The following ANKFN1 variants were observed in gnomAD, a reference collection of about 807,000 sequenced individuals.
The protein encoded by ANKFN1 is ankyrin repeat and fibronectin type III domain containing 1.
ANKFN1 carries 74 observed loss-of-function variants against 108.7 expected under a neutral mutation model. The observed-to-expected ratio is 0.68, with a 90% CI of 0.56 to 0.83. ANKFN1 has a LOEUF of 0.83. Among genes scored for constraint, ANKFN1 ranks in the 40% least tolerant of loss-of-function variants. The pLI is 0.00. For synonymous variants in ANKFN1, 547 were observed against 516.2 expected, an observed-to-expected ratio of 1.06 and a Z score of -0.81; for missense variants, 1,505 against 1,382.3, an observed-to-expected ratio of 1.09 and a Z score of -1.41.
intron 20 of ANKFN1, among the ~76,000 whole-genome samples, chr17:56,508,008 C>A (rs1418077392): frequency 6.6e-6 from 1 of 152,202 alleles, no homozygotes; most frequent in Non-Finnish European, 1.5e-5. Flanking sequence ...AAGCAGAGAC[C>A]ATGTCTGTCT....
intron 1 of ANKFN1, among the ~76,000 whole-genome samples, chr17:56,205,424 ATC>A (rs1284953562): frequency 1.3e-5 from 2 of 152,212 alleles, no homozygotes; most frequent in African/African-American, 2.4e-5. Flanking sequence ...TTTACATATC[ATC>A]TGTTTGCAAT....
At chr17:56,246,322 T>C (rs1238681847) in intron 3 of ANKFN1, among the ~76,000 whole-genome samples, 3 of 152,124 alleles carry the variant, frequency 2.0e-5, no homozygotes, top group Non-Finnish European at 4.4e-5. Context: ...TTTTATCTGT[T>C]CATCTCCTAA....
intron 8 of ANKFN1, 44 bp downstream of exon 8, chr17:56,374,758 G>A (rs377583273): frequency 2.2e-5 from 32 of 1,456,072 alleles, no homozygotes; most frequent in Non-Finnish European, 3.0e-5. Context: ...TCTTAAAAAA[G>A]CATCTGCTGT....
intron 8 of ANKFN1, among the ~76,000 whole-genome samples, chr17:56,377,030 C>T (rs1487250149): frequency 6.6e-6 from 1 of 152,138 alleles, no homozygotes; most frequent in Non-Finnish European, 1.5e-5. Context: ...AAAGAAGAAA[C>T]AATTGAGAAA....
chr17:56,128,044 C>T (rs998071309), intron 4 of ANKFN1, among the ~76,000 whole-genome samples: 1 of 152,166 alleles, frequency 6.6e-6, no homozygotes, highest in African/African-American at 2.4e-5. Flanking sequence ...AGCACCAGTC[C>T]TCTCCCCTTT....
At chr17:56,461,750 C>G (rs1348579724) in intron 14 of ANKFN1, among the ~76,000 whole-genome samples, 1 of 152,154 alleles carries the variant, frequency 6.6e-6, no homozygotes, top group Non-Finnish European at 1.5e-5. Flanking sequence ...TCTTGGCTAC[C>G]ACTATATCCC....
intron 1 of ANKFN1, among the ~76,000 whole-genome samples, 159 bp from the exon 2 acceptor site, chr17:56,212,439 G>C (rs1228610293): frequency 6.6e-6 from 1 of 152,110 alleles, no homozygotes; most frequent in East Asian, 1.9e-4. Flanking sequence ...GGTTCTGTTA[G>C]CTAGGATTTT....
chr17:56,416,185 A>G (rs897636234), intron 8 of ANKFN1, among the ~76,000 whole-genome samples: 4 of 152,198 alleles, frequency 2.6e-5, no homozygotes, highest in African/African-American at 9.7e-5. Context: ...CCGCAAGCAT[A>G]GGCAACCAAA....
chr17:56,284,388 ACTC>A (rs2044164001), intron 3 of ANKFN1, among the ~76,000 whole-genome samples: 1 of 152,168 alleles, frequency 6.6e-6, no homozygotes, highest in Non-Finnish European at 1.5e-5. Context: ...AGATGAAAAT[ACTC>A]CTATGATATT....
At chr17:56,110,585 TG>T (rs1905905767) in intron 4 of ANKFN1, among the ~76,000 whole-genome samples, 1 of 18,964 alleles carries the variant, frequency 5.3e-5, no homozygotes, top group African/African-American at 1.1e-3. Flanking sequence ...AAATATAGAT[TG>T]ATTGAATGAA....
intron 4 of ANKFN1, among the ~76,000 whole-genome samples, chr17:56,062,230 G>A (rs551238962): frequency 1.2e-4 from 19 of 152,276 alleles, no homozygotes; most frequent in East Asian, 7.7e-4. Flanking sequence ...GGAGAGTTCC[G>A]TAGATGTCCA....
At position 56,087,438 on chromosome 17, in the gene ANKFN1, C is replaced by G. The variant is rs543336903; in HGVS notation, c.288+41113C>G. ...TGTGGTTTCTTTATCCGGGCAGTGT[C>G]TCTCTACTCAGCACTCTCTAAAATC... On this transcript the variant is annotated intron_variant, in intron 4 of 12. Coordinates refer to the ANKFN1 transcript ENST00000635860. Among the ~76,000 whole-genome samples the G allele has an allele frequency of 2.6e-5, 4 of 151,472 alleles. No individual in the cohort carries two copies. In the South Asian group the frequency reaches 6.2e-4, roughly 24 times the overall value.
At chr17:56,467,814 G>C (rs370614952) in intron 15 of ANKFN1, among the ~76,000 whole-genome samples, 35 of 40,852 alleles carry the variant, frequency 8.6e-4, no homozygotes, top group Admixed American at 9.5e-4. Context: ...AAGAAAGAAA[G>C]AAAGAAAGAA....
intron 3 of ANKFN1, among the ~76,000 whole-genome samples, chr17:56,232,442 C>A (rs953134886): frequency 6.6e-6 from 1 of 152,136 alleles, no homozygotes. Flanking sequence ...GATACAAAAG[C>A]TGCTACTAAA....
rs571812447 is a variant in ANKFN1 at position 56,305,223 on chromosome 17, A to G, written c.54-20998A>G. 1.5e-3 allele frequency among the ~76,000 whole-genome samples: 230 copies of G among 152,298 alleles called. 2 individuals are homozygous for G. The highest frequency in any genetic ancestry group is 2.7e-3 in the Non-Finnish European group (181 of 68,018). On this transcript the variant is annotated intron_variant, in intron 3 of 20. Coordinates refer to ENST00000682825, the MANE Select transcript of ANKFN1 (RefSeq NM_001370326.1). ...ACTATCATGAGAACAACCTGAGGGT[A>G]ACCACCCCCATGATTAAATTACCTC...
At chr17:56,176,826 A>T (rs1911202395) in intron 1 of ANKFN1, among the ~76,000 whole-genome samples, 1 of 152,184 alleles carries the variant, frequency 6.6e-6, no homozygotes, top group South Asian at 2.1e-4. Flanking sequence ...TTTTCCTGTA[A>T]TGTCACTGCC....
chr17:56,328,497 A>G (rs2045580565), intron 4 of ANKFN1, among the ~76,000 whole-genome samples: 3 of 152,196 alleles, frequency 2.0e-5, no homozygotes, highest in African/African-American at 7.2e-5. Flanking sequence ...AATTGTTTCT[A>G]CCTCAAAGGT....
rs2048931003 is a variant in ANKFN1, at chr17:56,436,438, T to TC, written c.911-3889_911-3888insC. The stretch of plus-strand genomic sequence containing the variant: ...GTTTTGTATAGTTTTAGAACCGGCT[T>TC]ATACGTGATTTTCTCAGGGTTTTAA... On this transcript the variant is annotated intron_variant, in intron 8 of 20. Transcript: ENST00000682825. Among the ~76,000 whole-genome samples the TC allele has an allele frequency of 2.6e-5, 4 of 152,334 alleles. No individual in the cohort carries two copies. The South Asian group carries it at 8.3e-4, about 32-fold the overall frequency.
chr17:56,161,906 T>C (rs187320056), intron 1 of ANKFN1, among the ~76,000 whole-genome samples: 1 of 152,234 alleles, frequency 6.6e-6, no homozygotes, highest in Non-Finnish European at 1.5e-5. Context: ...TGGACAACCA[T>C]GCTTGCCAAA....
Sources: gnomAD v4.1 joint callset for allele counts (sites outside exome capture counted in the v4.1 genomes callset) on GRCh38, gnomAD v4.1.1 for gene constraint, MANE v1.5 for transcripts, NCBI Gene and HGNC (gene_info 2026-07-23, HGNC 2026-07-21) for gene names.